The following NAALADL1 variants were observed in gnomAD, a reference collection of about 807,000 sequenced individuals.
The protein encoded by NAALADL1 is N-acetylated alpha-linked acidic dipeptidase like 1.
A neutral mutation model predicts 82.8 loss-of-function variants in NAALADL1; 77 were observed. The ratio of observed to expected loss-of-function variants is 0.93; its 90% CI spans 0.77 to 1.12. The LOEUF is 1.12. Among genes scored for constraint, NAALADL1 ranks in the 50% most tolerant of loss-of-function variants. The pLI is 0.00. For missense variants in NAALADL1, 956 were observed against 964.0 expected (o/e 0.99, Z 0.11); for synonymous variants, 358 against 399.2 (o/e 0.90, Z 1.23).
chr11:65,045,301 T>TGCC lies in NAALADL1; in HGVS notation c.2190_2192dup (p.Ala732dup). 1 of 1,609,046 alleles carries TGCC rather than the reference T, an allele frequency of 6.2e-7. No homozygotes were observed. The highest frequency in any genetic ancestry group is 8.5e-7 in the Non-Finnish European group (1 of 1,177,016). On this transcript the variant is annotated inframe_insertion, in exon 18 of 18. Transcript: ENST00000358658. ...GGTCAGCCACAGGCCTCAGGGTGGCTGCCGCACCCTCCAGGGCTGTCACCA... is the reference window on the plus strand; with the variant it reads ...GGTCAGCCACAGGCCTCAGGGTGGCTGCCGCCGCACCCTCCAGGGCTGTCACCA...
Position 65,052,616 on chromosome 11 carries a change from G to A in NAALADL1, c.1198+602C>T, listed in dbSNP as rs139839014. Among the ~76,000 whole-genome samples, 127 of 152,240 alleles carry A rather than the reference G, an allele frequency of 8.3e-4. 1 individual carries two copies. Among genetic ancestry groups the A allele is most frequent in the African/African-American group, 3.0e-3 (124 of 41,546 alleles). On this transcript the variant is annotated intron_variant, in intron 8 of 17. Coordinates refer to ENST00000358658, the MANE Select transcript of NAALADL1 (RefSeq NM_005468.3). ...CGTGAGCCACTGTGCCTGGCCAGGA[G>A]CCGTTTAACATGAGGACTCTATCAT... is the stretch of plus-strand genomic sequence containing the variant.
At chr11:65,047,898 G>T in intron 11 of NAALADL1, 83 bp downstream of exon 11, 2 of 586,628 alleles carry the variant, frequency 3.4e-6, no homozygotes, top group Non-Finnish European at 5.9e-6. Flanking sequence ...CCACTCCCCA[G>T]CCCCGCCCAC....
Position 65,045,295 on chromosome 11 carries a change from G to C in NAALADL1, c.2199C>G (p.Thr733=), listed in dbSNP as rs1006155299. The change falls in exon 18 of 18, where the codon ACC becomes ACG. Residue 733 remains threonine (T), a synonymous_variant. Coordinates refer to ENST00000358658, the MANE Select transcript of NAALADL1 (RefSeq NM_005468.3). ...VVTALEGAAA[T]LRPVADL ...GTCAGAGGTCAGCCACAGGCCTCAG[G>C]GTGGCTGCCGCACCCTCCAGGGCTG... 4 of 1,608,366 alleles carry C rather than the reference G, an allele frequency of 2.5e-6. No homozygotes were observed. Among genetic ancestry groups the C allele is most frequent in the Non-Finnish European group, 3.4e-6 (4 of 1,176,582 alleles).
chr11:65,055,345 G>T (rs1236278825), intron 4 of NAALADL1, among the ~76,000 whole-genome samples: 1 of 152,200 alleles, frequency 6.6e-6, no homozygotes, highest in Non-Finnish European at 1.5e-5. Context: ...GCTGAGGCAC[G>T]AGAATCGCCT....
chr11:65,058,148 C>A lies in NAALADL1; in HGVS notation c.288G>T (p.Ser96=). The change falls in exon 2 of 18, where the codon TCG becomes TCT. Residue 96 remains serine, a synonymous_variant. Coordinates refer to ENST00000358658, the MANE Select transcript of NAALADL1 (RefSeq NM_005468.3). The part of the protein sequence containing the change: ...RWKDPESGLD[S]AEASTYEVLL... The stretch of plus-strand genomic sequence containing the variant: ...GCACTTCGTACGTGGAGGCCTCGGC[C>A]GAGTCCAGGCCTGACTCTGGGTCCT... 1.9e-6 allele frequency: 3 copies of A among 1,613,914 alleles called. No individual in the cohort carries two copies. The highest frequency in any genetic ancestry group is 2.5e-6 in the Non-Finnish European group (3 of 1,179,922).
rs150524330 is a variant in NAALADL1, at chr11:65,046,122, G to C, written c.1856-8C>G. ...CTGCAGTCACCAGAGGCCCTGTGAG[G>C]AACAAGCAGTGGCTCAGTCATGGGG... is the stretch of plus-strand genomic sequence containing the variant. On this transcript the variant is annotated splice_region_variant and splice_polypyrimidine_tract_variant and intron_variant, in intron 15 of 17. Coordinates refer to ENST00000358658, the MANE Select transcript of NAALADL1 (RefSeq NM_005468.3). The C allele has an allele frequency of 6.2e-7, 1 of 1,614,018 alleles. No homozygotes were observed. Among genetic ancestry groups the C allele is most frequent in the African/African-American group, 1.3e-5 (1 of 74,932 alleles).
intron 13 of NAALADL1, 136 bp downstream of exon 13, chr11:65,047,339 G>GTTT: frequency 1.5e-6 from 1 of 657,456 alleles, no homozygotes; most frequent in Non-Finnish European, 2.5e-6. Context: ...GTGTGTGTGT[G>GTTT]TTTTTTTTTA....
At chr11:65,050,769 A>T (rs1946865505) in intron 8 of NAALADL1, among the ~76,000 whole-genome samples, 1 of 152,228 alleles carries the variant, frequency 6.6e-6, no homozygotes, top group Non-Finnish European at 1.5e-5. Flanking sequence ...AGCCTGGGTC[A>T]CAGAGCAAGA....
In NAALADL1 at chr11:65,046,602, ATGTGGGC is replaced by A. The variant is rs1223135014; in HGVS notation, c.1600-83_1600-77del. On this transcript the variant is annotated intron_variant, in intron 13 of 17. Coordinates refer to ENST00000358658, the MANE Select transcript of NAALADL1 (RefSeq NM_005468.3). ...AGGTGTACCTCCAGTGAGCTGCAAAATGTGGGCATTATCTCCACTGAATCTTGGCCAT... is the reference window on the plus strand; with the variant it reads ...AGGTGTACCTCCAGTGAGCTGCAAAAATTATCTCCACTGAATCTTGGCCAT... The A allele has an allele frequency of 1.2e-5, 17 of 1,419,902 alleles. No individual in the cohort carries two copies. In the African/African-American group the frequency reaches 1.8e-4, roughly 15 times the overall value. The allele number at this position is 1,419,902 out of a possible 1,614,324, so 88.0% of individuals were successfully genotyped here.
intron 17 of NAALADL1, 119 bp from the exon 18 acceptor site, chr11:65,045,576 C>G: frequency 8.7e-7 from 1 of 1,149,902 alleles, no homozygotes; most frequent in African/African-American, 1.6e-5. Flanking sequence ...CCCCCGTCCA[C>G]TTGTCTCTGA....
upstream of NAALADL1, among the ~76,000 whole-genome samples, chr11:65,058,785 G>A (rs933606021): frequency 2.6e-5 from 4 of 152,274 alleles, 1 homozygote; most frequent in South Asian, 8.3e-4. Flanking sequence ...GCTCATCCAG[G>A]GTGTCCCAGG....
rs1946694484 is a variant in NAALADL1 at position 65,045,360 on chromosome 11, C to G, written c.2134G>C (p.Ala712Pro). The G allele has an allele frequency of 1.2e-6, 2 of 1,611,158 alleles. No individual in the cohort carries two copies. The highest frequency in any genetic ancestry group is 2.2e-5 in the South Asian group (2 of 90,382). ...AGCTGTCTCTGGACCTCAGCCCAAGCTTCAGATCCAGAAGCTGTGTCCCTG... is the reference window on the plus strand; with the variant it reads ...AGCTGTCTCTGGACCTCAGCCCAAGGTTCAGATCCAGAAGCTGTGTCCCTG... Reference protein sequence around the residue: ...RARDTASGSEAWAEVQRQLSI... With the variant: ...RARDTASGSEPWAEVQRQLSI... Residue 712 changes from alanine (A) to proline (P), a missense_variant, in exon 18 of 18, where the codon GCT becomes CCT. By Grantham distance (27) the Ala-to-Pro change is conservative. Coordinates refer to ENST00000358658, the MANE Select transcript of NAALADL1 (RefSeq NM_005468.3).
chr11:65,047,624 C>T (rs1244344164), intron 12 of NAALADL1, 23 bp downstream of exon 12: 4 of 1,590,932 alleles, frequency 2.5e-6, no homozygotes, highest in East Asian at 4.5e-5. Flanking sequence ...TCGCTCCGGG[C>T]CCCCTTCTGT....
chr11:65,058,796 A>G (rs1156889578), upstream of NAALADL1, among the ~76,000 whole-genome samples: 1 of 152,276 alleles, frequency 6.6e-6, no homozygotes, highest in South Asian at 2.1e-4. Flanking sequence ...GTGTCCCAGG[A>G]AAACAGAGGC....
Position 65,053,781 on chromosome 11 carries a change from T to C in NAALADL1, c.993-205A>G, listed in dbSNP as rs973119001. ...ACTTATTGGGTACTTAGTCCCTGACTAGTCTCTGGGCAATGACGGTGACAG... is the reference window on the plus strand; with the variant it reads ...ACTTATTGGGTACTTAGTCCCTGACCAGTCTCTGGGCAATGACGGTGACAG... On this transcript the variant is annotated intron_variant, in intron 6 of 17. Coordinates refer to ENST00000358658, the MANE Select transcript of NAALADL1 (RefSeq NM_005468.3). The surrounding 1 kb of genome is among the most constrained non-coding windows in gnomAD (Gnocchi z 4.3). Among the ~76,000 whole-genome samples, 1 of 152,162 alleles carries C rather than the reference T, an allele frequency of 6.6e-6. No homozygotes were observed. The highest frequency in any genetic ancestry group is 1.9e-4 in the East Asian group (1 of 5,188).
intron 8 of NAALADL1, among the ~76,000 whole-genome samples, chr11:65,049,290 G>C (rs1194976727): frequency 6.6e-6 from 1 of 152,046 alleles, no homozygotes; most frequent in African/African-American, 2.4e-5. Flanking sequence ...CAAAGTGCTG[G>C]GATTACAGGT....
intron 4 of NAALADL1, among the ~76,000 whole-genome samples, chr11:65,055,123 C>T (rs1008968635): frequency 4.6e-5 from 7 of 152,162 alleles, no homozygotes; most frequent in African/African-American, 9.7e-5. Context: ...CAATGGAGGC[C>T]GGGTGGGGTG....
Position 65,053,651 on chromosome 11 carries a change from G to T in NAALADL1, c.993-75C>A. ...CCGACCCAGTGCAGGAGACACTGAG[G>T]CCCGGAGCTGGAAAGTGACGTGGCA... On this transcript the variant is annotated intron_variant, in intron 6 of 17. Transcript: ENST00000358658. This position sits in a 1 kb window ranked among gnomAD's most constrained non-coding sequence, Gnocchi z 4.3. 7.6e-7 allele frequency: 1 copy of T among 1,317,506 alleles called. No individual in the cohort carries two copies. Among genetic ancestry groups the T allele is most frequent in the Non-Finnish European group, 1.0e-6 (1 of 960,628 alleles). The allele number at this position is 1,317,506 out of a possible 1,614,324, so 81.6% of individuals were successfully genotyped here.
Position 65,057,860 on chromosome 11 carries a change from G to C in NAALADL1, c.480+15C>G. 2.5e-6 allele frequency: 4 copies of C among 1,613,194 alleles called. No homozygotes were observed. The highest frequency in any genetic ancestry group is 3.4e-6 in the Non-Finnish European group (4 of 1,179,800). The stretch of plus-strand genomic sequence containing the variant: ...GGGAGCTGGGCCAGAGCAGTAGGGG[G>C]GGTTCTGGGCCCACCTGTGGGGTTC... On this transcript the variant is annotated intron_variant, in intron 3 of 17. Transcript: ENST00000358658.
Sources: gnomAD v4.1 joint callset for allele counts (sites outside exome capture counted in the v4.1 genomes callset) on GRCh38, gnomAD v4.1.1 for gene constraint, Gnocchi (gnomAD v3.1) non-coding constraint, MANE v1.5 for transcripts, NCBI Gene and HGNC (gene_info 2026-07-23, HGNC 2026-07-21) for gene names.